The following RBFOX1 variants were observed in gnomAD, a reference collection of about 807,000 sequenced individuals.
RBFOX1 encodes RNA binding fox-1 homolog 1.
In RBFOX1, 8 loss-of-function variants were observed where a neutral mutation model predicts 57.7. The observed-to-expected ratio is 0.14, with a 90% confidence interval of 0.08 to 0.25. The LOEUF (loss-of-function observed/expected upper bound fraction) is 0.25, where lower values mean the gene tolerates loss of function less well. RBFOX1 is among the 10% of genes least tolerant of loss of function. RBFOX1 has a pLI of 1.00. For synonymous variants in RBFOX1, 326 were observed against 222.4 expected (o/e 1.47, Z -4.15); for missense variants, 611 against 548.5 (o/e 1.11, Z -1.14).
rs35407844 is a variant in RBFOX1, at chr16:6,539,806, G to GACACAC, written c.-63-114771_-63-114766dup. Among the ~76,000 whole-genome samples the GACACAC allele has an allele frequency of 6.3e-3, 862 of 136,312 alleles. 15 individuals carry two copies. Among genetic ancestry groups the GACACAC allele is most frequent in the African/African-American group, 0.02 (761 of 38,572 alleles). The allele number at this position is 136,312 out of a possible 152,430, so 89.4% of individuals were successfully genotyped here. On this transcript the variant is annotated intron_variant, in intron 2 of 15. Transcript: ENST00000550418. ...GACTGAGGCTGCATCTCAAAACACA[G>GACACAC]ACACACACACACACACACACACACA...
chr16:6,872,744 C>G (rs928116726), intron 3 of RBFOX1, among the ~76,000 whole-genome samples: 31 of 151,996 alleles, frequency 2.0e-4, no homozygotes. Context: ...TTTTGTCCTT[C>G]AGGAGTTAAA....
chr16:6,460,884 G>T (rs2094903242), intron 2 of RBFOX1, among the ~76,000 whole-genome samples: 1 of 147,398 alleles, frequency 6.8e-6, no homozygotes, highest in Non-Finnish European at 1.5e-5. Flanking sequence ...ACTGGATAAA[G>T]AAAATGTAAT....
chr16:5,248,464 G>A (rs865862890), intron 1 of RBFOX1, among the ~76,000 whole-genome samples: 1 of 152,118 alleles, frequency 6.6e-6, no homozygotes, highest in African/African-American at 2.4e-5. Context: ...CCTTCTATTC[G>A]GCCGCAGCTG....
intron 3 of RBFOX1, among the ~76,000 whole-genome samples, chr16:6,920,551 TGAAAC>T (rs1379783763): frequency 6.6e-6 from 1 of 152,206 alleles, no homozygotes. Context: ...GTGGCAGGCT[TGAAAC>T]AACAGAAATT....
chr16:6,940,177 G>C (rs896352266), intron 3 of RBFOX1, among the ~76,000 whole-genome samples: 1 of 151,234 alleles, frequency 6.6e-6, no homozygotes, highest in Non-Finnish European at 1.5e-5. Context: ...GGGCAACAGA[G>C]TGAGACTCCA....
chr16:6,018,844 A>C (rs1174494484), upstream of RBFOX1, among the ~76,000 whole-genome samples: 1 of 151,928 alleles, frequency 6.6e-6, no homozygotes, highest in East Asian at 2.0e-4. Context: ...CGCAGGTGAA[A>C]GTCCTGGGCT....
At chr16:7,632,890 G>A (rs1391585689) in intron 11 of RBFOX1, among the ~76,000 whole-genome samples, 1 of 151,482 alleles carries the variant, frequency 6.6e-6, no homozygotes, top group African/African-American at 2.4e-5. Context: ...TTACAGAAGT[G>A]AACAAAACAA....
intron 2 of RBFOX1, among the ~76,000 whole-genome samples, chr16:6,426,274 GAGAA>G (rs1167719277): frequency 6.6e-6 from 1 of 151,900 alleles, no homozygotes; most frequent in Admixed American, 6.6e-5. Context: ...GGGAGATGAA[GAGAA>G]AGAGAGAAGG....
intron 2 of RBFOX1, among the ~76,000 whole-genome samples, chr16:5,483,909 G>A (rs1018990849): frequency 1.8e-4 from 27 of 152,098 alleles, no homozygotes; most frequent in African/African-American, 5.8e-4. Context: ...GGTGGCTCAT[G>A]CTTGTGATCC....
At chr16:6,500,275 C>A (rs1012827078) in intron 2 of RBFOX1, among the ~76,000 whole-genome samples, 2 of 152,090 alleles carry the variant, frequency 1.3e-5, no homozygotes, top group African/African-American at 4.8e-5. Context: ...GCAAGAAGAC[C>A]ATCATCTGTG....
At chr16:6,566,447 C>G (rs1224304094) in intron 2 of RBFOX1, among the ~76,000 whole-genome samples, 3 of 151,670 alleles carry the variant, frequency 2.0e-5, no homozygotes, top group African/African-American at 7.3e-5. Flanking sequence ...TTCTTCTCTT[C>G]TTAGTGAGCC....
chr16:6,527,783 A>C (rs1396429982), intron 2 of RBFOX1, among the ~76,000 whole-genome samples: 1 of 152,002 alleles, frequency 6.6e-6, no homozygotes, highest in Non-Finnish European at 1.5e-5. Flanking sequence ...AATGGTTGCC[A>C]CTCCGAGCTG....
chr16:5,828,353 C>G (rs999613307), intron 3 of RBFOX1, among the ~76,000 whole-genome samples: 5 of 152,128 alleles, frequency 3.3e-5, no homozygotes, highest in Non-Finnish European at 5.9e-5. Context: ...ATAATAGTCA[C>G]TAGTAAGGTG....
At chr16:5,502,114 C>T (rs1352060102) in intron 2 of RBFOX1, among the ~76,000 whole-genome samples, 1 of 151,916 alleles carries the variant, frequency 6.6e-6, no homozygotes, top group African/African-American at 2.4e-5. Flanking sequence ...GTATGGCCGG[C>T]AGAAGGTGGT....
intron 2 of RBFOX1, among the ~76,000 whole-genome samples, chr16:6,645,071 C>G (rs958799866): frequency 6.6e-6 from 1 of 152,192 alleles, no homozygotes; most frequent in Non-Finnish European, 1.5e-5. Context: ...GAAGATTCAT[C>G]TTTGCCTCTT....
intron 13 of RBFOX1, among the ~76,000 whole-genome samples, chr16:7,666,389 G>A (rs201688897): frequency 5.3e-5 from 8 of 150,698 alleles, no homozygotes; most frequent in African/African-American, 4.9e-5. Flanking sequence ...ACCTACCCAA[G>A]AAAAAAAAAA....
intron 3 of RBFOX1, among the ~76,000 whole-genome samples, chr16:6,739,418 A>T (rs763247342): frequency 2.0e-5 from 3 of 152,120 alleles, no homozygotes; most frequent in African/African-American, 7.2e-5. Context: ...CCAATATGCA[A>T]TAGATAATTT....
chr16:6,360,170 T>C (rs931367251), intron 2 of RBFOX1, among the ~76,000 whole-genome samples: 3 of 152,158 alleles, frequency 2.0e-5, no homozygotes, highest in African/African-American at 7.2e-5. Flanking sequence ...TTTCAGCCTG[T>C]ACCTTGTAAT....
chr16:6,864,135 A>AAG (rs1275428435), intron 3 of RBFOX1, among the ~76,000 whole-genome samples: 6 of 152,094 alleles, frequency 3.9e-5, no homozygotes, highest in Non-Finnish European at 8.8e-5. Context: ...CTTTAGCAGG[A>AAG]AGAAGGAGGG....
Sources: allele counts gnomAD v4.1 joint callset (sites outside exome capture counted in the v4.1 genomes callset), GRCh38; gene constraint gnomAD v4.1.1; transcripts MANE v1.5; gene names NCBI Gene and HGNC (gene_info 2026-07-23, HGNC 2026-07-21).